Variants in PSG6 observed in about 807,000 individuals in gnomAD.
The protein encoded by PSG6 is pregnancy-specific beta-1-glycoprotein 6.
A neutral mutation model predicts 43.3 loss-of-function variants in PSG6; 51 were observed. That is an observed-to-expected ratio of 1.18 (90% CI 0.94 to 1.49). PSG6 has a LOEUF of 1.49. Among genes scored for constraint, PSG6 ranks in the 40% most tolerant of loss-of-function variants. The pLI is 0.00. For missense variants in PSG6, 770 were observed against 522.2 expected, an observed-to-expected ratio of 1.47 and a Z score of -4.62; for synonymous variants, 292 against 197.6, an observed-to-expected ratio of 1.48 and a Z score of -4.01.
At chr19:42,904,305 T>C (rs918726296) in intron 5 of PSG6, among the ~76,000 whole-genome samples, 1 of 151,302 alleles carries the variant, frequency 6.6e-6, no homozygotes, top group Non-Finnish European at 1.5e-5. Context: ...ATCAGAAAAA[T>C]TAGGGAAGAA....
chr19:42,916,233 G>A lies in PSG6; in HGVS notation c.319C>T (p.Leu107=), dbSNP rs143887027. ...RETVYSNASL[L]IQNVTQEDAG... The stretch of plus-strand genomic sequence containing the variant: ...TCCTCCTGTGTGACATTCTGGATCA[G>A]CAGGGATGCATTGGAATATACTGTT... The change falls in exon 2 of 6, where the codon CTG becomes TTG. Residue 107 remains leucine (L), a synonymous_variant. Coordinates refer to ENST00000187910, the MANE Select transcript of PSG6 (RefSeq NM_001031850.4). 1.6e-3 allele frequency: 2,579 copies of A among 1,612,264 alleles called. 107 individuals carry two copies. Among genetic ancestry groups the A allele is most frequent in the South Asian group, 0.012 (1,085 of 90,654 alleles).
chr19:42,904,227 G>A (rs1210390347), intron 5 of PSG6, among the ~76,000 whole-genome samples: 1 of 151,676 alleles, frequency 6.6e-6, no homozygotes, highest in African/African-American at 2.4e-5. Context: ...AACTTTCCCT[G>A]TATGAGCAGG....
At chr19:42,907,553 AC>A in intron 4 of PSG6, 22 bp downstream of exon 4, 1 of 1,610,858 alleles carries the variant, frequency 6.2e-7, no homozygotes, top group African/African-American at 1.3e-5. Flanking sequence ...GTCCTGGCCC[AC>A]AGAGGAACAA....
intron 5 of PSG6, chr19:42,906,509 A>C: frequency 8.1e-7 from 1 of 1,236,000 alleles, no homozygotes; most frequent in Non-Finnish European, 1.0e-6. Flanking sequence ...ATTTGGGGGA[A>C]AAGTGTGAGC....
At position 42,916,159 on chromosome 19, in the gene PSG6, T is replaced by A. The variant is rs200373371; in HGVS notation, c.393A>T (p.Gly131=). The A allele has an allele frequency of 1.9e-5, 30 of 1,612,052 alleles. No homozygotes were observed. In the African/African-American group the frequency reaches 3.1e-4, roughly 17 times the overall value. ...LHIIKRGDGT[G]GVTGYFTVTL... ...TGACAGTGAAATATCCAGTTACTCCTCCAGTCCCATCGCCTCGCTTTATGA... is the reference window on the plus strand; with the variant it reads ...TGACAGTGAAATATCCAGTTACTCCACCAGTCCCATCGCCTCGCTTTATGA... The change falls in exon 2 of 6, where the codon GGA becomes GGT. Residue 131 remains glycine (G), a synonymous_variant. Transcript: ENST00000187910.
chr19:42,902,984 G>C (rs1320886868), intron 5 of PSG6, among the ~76,000 whole-genome samples: 2 of 151,566 alleles, frequency 1.3e-5, no homozygotes, highest in Non-Finnish European at 2.9e-5. Context: ...TACTTTACCT[G>C]TATCTCATTT....
At chr19:42,910,325 C>G in intron 3 of PSG6, 1 of 961,646 alleles carries the variant, frequency 1.0e-6, no homozygotes, top group East Asian at 2.8e-5. Flanking sequence ...GATCTGGAGC[C>G]TGAGACATTC....
chr19:42,914,391 C>A (rs1446751047), intron 2 of PSG6, among the ~76,000 whole-genome samples: 6 of 150,702 alleles, frequency 4.0e-5, no homozygotes, highest in African/African-American at 1.5e-4. Flanking sequence ...CAGGACAGGG[C>A]TTGCCAGTCA....
chr19:42,911,740 G>A (rs548530177), intron 2 of PSG6, among the ~76,000 whole-genome samples: 1 of 151,862 alleles, frequency 6.6e-6, no homozygotes, highest in African/African-American at 2.4e-5. Context: ...GACCTTATGT[G>A]TTTGGTGGAT....
Position 42,911,250 on chromosome 19 carries a change from A to T in PSG6, c.428-392T>A, listed in dbSNP as rs760760626. On this transcript the variant is annotated intron_variant, in intron 2 of 5. Transcript: ENST00000187910. ...AGTTTCAGTCTCACTTTGCCCCCTG[A>T]GGTATGTTTTCTCATCAGCTTCCCT... Among the ~76,000 whole-genome samples the T allele has an allele frequency of 2.0e-5, 3 of 151,396 alleles. 1 individual carries two copies. The highest frequency in any genetic ancestry group is 4.4e-5 in the Non-Finnish European group (3 of 67,866).
chr19:42,916,531 T>C lies in PSG6; in HGVS notation c.65-44A>G, dbSNP rs368108571. 26 of 1,576,750 alleles carry C rather than the reference T, an allele frequency of 1.6e-5. No individual in the cohort carries two copies. The African/African-American group carries it at 3.0e-4, about 18-fold the overall frequency. On this transcript the variant is annotated intron_variant, in intron 1 of 5. Transcript: ENST00000187910. Reference sequence around the variant, plus strand: ...ATCAGTTAATATTTGGACCTATGTATTGGGGTGAAAAGATGGGGCCCTGTG... The same window carrying C: ...ATCAGTTAATATTTGGACCTATGTACTGGGGTGAAAAGATGGGGCCCTGTG...
intron 5 of PSG6, chr19:42,906,621 G>T: frequency 7.3e-7 from 1 of 1,366,542 alleles, no homozygotes; most frequent in Non-Finnish European, 9.7e-7. Context: ...GAAGCAACTT[G>T]ATCTTGAGGA....
Position 42,913,231 on chromosome 19 carries a change from A to G in PSG6, c.428-2373T>C, listed in dbSNP as rs1444202132. Among the ~76,000 whole-genome samples, 4 of 151,492 alleles carry G rather than the reference A, an allele frequency of 2.6e-5. 1 individual carries two copies. The highest frequency in any genetic ancestry group is 9.7e-5 in the African/African-American group (4 of 41,212). On this transcript the variant is annotated intron_variant, in intron 2 of 5. Transcript: ENST00000187910. The stretch of plus-strand genomic sequence containing the variant: ...AGTGGCATGATCTCAGCTCACTGCA[A>G]GCTCCACCTCCTGGGTTCATGCCAT...
At chr19:42,912,840 G>A (rs2038364655) in intron 2 of PSG6, among the ~76,000 whole-genome samples, 1 of 151,650 alleles carries the variant, frequency 6.6e-6, no homozygotes, top group African/African-American at 2.4e-5. Flanking sequence ...ATAGTTGTAT[G>A]TGGCACAGGC....
chr19:42,913,304 C>T (rs1039247515), intron 2 of PSG6, among the ~76,000 whole-genome samples: 1 of 151,586 alleles, frequency 6.6e-6, no homozygotes, highest in Non-Finnish European at 1.5e-5. Context: ...GTGACCACCA[C>T]CATGCCCAGC....
intron 2 of PSG6, among the ~76,000 whole-genome samples, chr19:42,911,950 G>A (rs1024087359): frequency 3.3e-5 from 5 of 151,548 alleles, no homozygotes; most frequent in African/African-American, 1.2e-4. Context: ...CTGTTATGCA[G>A]GATGAGGAGG....
chr19:42,915,654 C>T (rs1972310957), intron 2 of PSG6: 1 of 191,248 alleles, frequency 5.2e-6, no homozygotes, highest in South Asian at 1.5e-4. Flanking sequence ...CCCAGTAAGC[C>T]CTGCCAAAGA....
chr19:42,916,672 G>A (rs1363680227), intron 1 of PSG6, among the ~76,000 whole-genome samples, 185 bp from the exon 2 acceptor site: 1 of 148,156 alleles, frequency 6.7e-6, no homozygotes, highest in Non-Finnish European at 1.5e-5. Context: ...GTGTCCTACT[G>A]TCCTACTAGG....
At chr19:42,906,118 C>T (rs946576690) in intron 5 of PSG6, among the ~76,000 whole-genome samples, 6 of 151,590 alleles carry the variant, frequency 4.0e-5, no homozygotes, top group African/African-American at 1.5e-4. Context: ...CTGCCCCTTT[C>T]CTGCCATGCA....
Sources: allele counts gnomAD v4.1 joint callset (sites outside exome capture counted in the v4.1 genomes callset), GRCh38; gene constraint gnomAD v4.1.1; transcripts MANE v1.5; gene names NCBI Gene and HGNC (gene_info 2026-07-23, HGNC 2026-07-21).